Variants in TOP6BL observed in about 807,000 individuals in gnomAD.
TOP6BL encodes type 2 DNA topoisomerase 6 subunit B-like.
chr11:66,756,431 C>T, the TOP6BL span: 1 of 1,104,184 alleles, frequency 9.1e-7, no homozygotes. Context: ...CTCCCAGGTT[C>T]AAGTGATTCT....
the TOP6BL span, among the ~76,000 whole-genome samples, chr11:66,749,868 G>A: frequency 2.0e-5 from 3 of 152,076 alleles, no homozygotes; most frequent in African/African-American, 4.8e-5. Context: ...GTGAGCTACC[G>A]CACCCAGCCT....
chr11:66,779,283 C>A, the TOP6BL span, among the ~76,000 whole-genome samples: 1 of 152,030 alleles, frequency 6.6e-6, no homozygotes, highest in East Asian at 1.9e-4. Flanking sequence ...GGGCTAATAC[C>A]CAGAATCTAC....
At chr11:66,820,971 A>G in the TOP6BL span, among the ~76,000 whole-genome samples, 1 of 152,200 alleles carries the variant, frequency 6.6e-6, no homozygotes, top group African/African-American at 2.4e-5. Flanking sequence ...TTCTTCCAAG[A>G]GGCATCTTTC....
the TOP6BL span, among the ~76,000 whole-genome samples, chr11:66,820,794 A>G: frequency 1.3e-5 from 2 of 152,334 alleles, no homozygotes; most frequent in African/African-American, 2.4e-5. Flanking sequence ...TATTTCTGCT[A>G]TGAATTAAAC....
chr11:66,793,447 T>TG, the TOP6BL span, among the ~76,000 whole-genome samples: 1 of 145,042 alleles, frequency 6.9e-6, no homozygotes, highest in Non-Finnish European at 1.5e-5. Flanking sequence ...TTTTTTTGTT[T>TG]TTTTTTTTTT....
chr11:66,753,994 C>T, the TOP6BL span, among the ~76,000 whole-genome samples: 1 of 152,212 alleles, frequency 6.6e-6, no homozygotes, highest in African/African-American at 2.4e-5. Flanking sequence ...CATGAGCCAC[C>T]ACGCCTGGCC....
chr11:66,761,242 G>T, the TOP6BL span, among the ~76,000 whole-genome samples: 1 of 152,006 alleles, frequency 6.6e-6, no homozygotes, highest in Non-Finnish European at 1.5e-5. Flanking sequence ...GTGGTGGCGG[G>T]CGCCTGTAGT....
chr11:66,811,868 A>G, the TOP6BL span, among the ~76,000 whole-genome samples: 1 of 152,228 alleles, frequency 6.6e-6, no homozygotes, highest in Non-Finnish European at 1.5e-5. Context: ...GCTTGAGCAC[A>G]GGAATTTGAG....
chr11:66,763,166 G>A, the TOP6BL span, among the ~76,000 whole-genome samples: 3 of 152,324 alleles, frequency 2.0e-5, no homozygotes, highest in South Asian at 2.1e-4. Flanking sequence ...ATGCCACTGT[G>A]CTCCAGCCTG....
chr11:66,820,642 C>G, the TOP6BL span, among the ~76,000 whole-genome samples: 2 of 152,226 alleles, frequency 1.3e-5, no homozygotes, highest in African/African-American at 4.8e-5. Flanking sequence ...TTCTTTACCA[C>G]AGTACGTCTG....
chr11:66,794,048 G>T, the TOP6BL span, among the ~76,000 whole-genome samples: 6 of 148,846 alleles, frequency 4.0e-5, no homozygotes, highest in Non-Finnish European at 8.9e-5. Flanking sequence ...GAAGTTCGAG[G>T]TTACAGTTAG....
At chr11:66,768,937 G>T in the TOP6BL span, among the ~76,000 whole-genome samples, 2 of 152,292 alleles carry the variant, frequency 1.3e-5, no homozygotes, top group Middle Eastern at 3.4e-3. Flanking sequence ...CTTTTATTCA[G>T]CAGCCCATGA....
the TOP6BL span, among the ~76,000 whole-genome samples, chr11:66,815,154 C>T: frequency 7.2e-5 from 11 of 152,234 alleles, no homozygotes; most frequent in Non-Finnish European, 1.3e-4. Context: ...CCACCGATTT[C>T]GAATAGAGAT....
the TOP6BL span, among the ~76,000 whole-genome samples, chr11:66,836,545 TTGAGTTA>T: frequency 6.7e-6 from 1 of 150,152 alleles, no homozygotes; most frequent in East Asian, 2.1e-4. Context: ...TGTTAAATTA[TTGAGTTA>T]TGAGAGTTCT....
the TOP6BL span, chr11:66,800,676 C>A: frequency 1.2e-6 from 2 of 1,605,946 alleles, no homozygotes; most frequent in African/African-American, 1.3e-5. Context: ...TAAATGGAAT[C>A]CTCTCCACAG....
chr11:66,749,892 T>G, the TOP6BL span, among the ~76,000 whole-genome samples: 4 of 152,176 alleles, frequency 2.6e-5, no homozygotes, highest in Admixed American at 2.6e-4. Context: ...TTTATATATT[T>G]TTTTTGGGTA....
At chr11:66,823,146 T>G in the TOP6BL span, among the ~76,000 whole-genome samples, 4 of 151,676 alleles carry the variant, frequency 2.6e-5, no homozygotes, top group African/African-American at 9.7e-5. Flanking sequence ...AATACAAAAT[T>G]AGCCAGTCGT....
At chr11:66,822,897 A>G in the TOP6BL span, among the ~76,000 whole-genome samples, 1 of 152,086 alleles carries the variant, frequency 6.6e-6, no homozygotes, top group South Asian at 2.1e-4. Context: ...CCAGCTCCTC[A>G]GGAGGCTGAG....
the TOP6BL span, among the ~76,000 whole-genome samples, chr11:66,745,834 G>A: frequency 6.6e-6 from 1 of 151,630 alleles, no homozygotes; most frequent in Non-Finnish European, 1.5e-5. Context: ...TTTTTGAGAC[G>A]GAGTCTCGCT....
Sources: gnomAD v4.1 joint callset for allele counts (sites outside exome capture counted in the v4.1 genomes callset) on GRCh38, gnomAD v4.1.1 for gene constraint, MANE v1.5 for transcripts, NCBI Gene and HGNC (gene_info 2026-07-23, HGNC 2026-07-21) for gene names.